GRIK4: variants seen among roughly 807,000 people sequenced by gnomAD.
GRIK4 encodes glutamate ionotropic receptor kainate type subunit 4, also known as glutamate receptor ionotropic, kainate 4.
Under a neutral mutation model 104.9 loss-of-function variants are expected in GRIK4, and 40 were observed. That is an observed-to-expected ratio of 0.38 (90% confidence interval 0.30 to 0.50). The LOEUF is 0.50. GRIK4 is among the 20% of genes least tolerant of loss of function. GRIK4 has a pLI of 0.93. For synonymous variants in GRIK4, 485 were observed against 524.9 expected, an observed-to-expected ratio of 0.92 and a Z score of 1.04; for missense variants, 1,047 against 1,308.1, an observed-to-expected ratio of 0.80 and a Z score of 3.08.
chr11:120,811,133 G>A (rs1395249455), intron 4 of GRIK4, among the ~76,000 whole-genome samples: 2 of 152,160 alleles, frequency 1.3e-5, no homozygotes, highest in Non-Finnish European at 2.9e-5. Context: ...GCATGCAGCG[G>A]GAGATGGCAC....
rs1407154705 is a variant in GRIK4, at chr11:120,555,753, C to T, written c.-159+43866C>T. Among the ~76,000 whole-genome samples, 2 of 152,190 alleles carry T rather than the reference C, an allele frequency of 1.3e-5. No homozygotes were observed. The highest frequency in any genetic ancestry group is 1.3e-4 in the Admixed American group (2 of 15,280). ...CGGGTGGCACAAAGTTTGCAAATTC[C>T]TTTTACTTCATCCTTGTCCTCAGAG... On this transcript the variant is annotated intron_variant, in intron 1 of 20. Transcript: ENST00000527524. This position sits in a 1 kb window ranked among gnomAD's most constrained non-coding sequence, Gnocchi z 5.3.
chr11:120,522,670 T>C (rs1947810069), intron 1 of GRIK4, among the ~76,000 whole-genome samples: 1 of 152,188 alleles, frequency 6.6e-6, no homozygotes, highest in Non-Finnish European at 1.5e-5. Flanking sequence ...TCCAGCCTTC[T>C]GAATGTGAAG....
chr11:120,656,023 AC>A, intron 2 of GRIK4, among the ~76,000 whole-genome samples: 1 of 151,850 alleles, frequency 6.6e-6, no homozygotes, highest in Middle Eastern at 3.2e-3. Flanking sequence ...CAGGGGAGAA[AC>A]CCCCCATGGA....
intron 3 of GRIK4, among the ~76,000 whole-genome samples, chr11:120,714,953 G>T (rs1950801268): frequency 6.6e-6 from 1 of 151,210 alleles, no homozygotes; most frequent in Admixed American, 6.5e-5. Context: ...ATTTTGGAGA[G>T]ACTCCTTTAG....
At chr11:120,827,100 C>T (rs1324189211) in intron 6 of GRIK4, among the ~76,000 whole-genome samples, 5 of 152,104 alleles carry the variant, frequency 3.3e-5, no homozygotes, top group South Asian at 2.1e-4. Context: ...GGTCCAGGAC[C>T]AAGGCACTAC....
chr11:120,945,471 T>C (rs1371135739), intron 14 of GRIK4, among the ~76,000 whole-genome samples: 1 of 152,158 alleles, frequency 6.6e-6, no homozygotes, highest in Non-Finnish European at 1.5e-5. Context: ...ATCCTAAACA[T>C]GCAGTATTTA....
chr11:120,546,108 T>C (rs1948083280), intron 1 of GRIK4, among the ~76,000 whole-genome samples: 1 of 152,152 alleles, frequency 6.6e-6, no homozygotes, highest in East Asian at 1.9e-4. Context: ...GGCCCTGAGG[T>C]ACAGCCGTTC....
rs1483136014 is a variant in GRIK4, at chr11:120,939,088, TTAGAG to T, written c.1477-1253_1477-1249del. 4.6e-5 allele frequency among the ~76,000 whole-genome samples: 7 copies of T among 152,142 alleles called. No individual in the cohort carries two copies. Among genetic ancestry groups the T allele is most frequent in the Non-Finnish European group, 8.8e-5 (6 of 68,024 alleles). On this transcript the variant is annotated intron_variant, in intron 13 of 20. Transcript: ENST00000527524. The surrounding 1 kb of genome is among the most constrained non-coding windows in gnomAD (Gnocchi z 5.6). ...CTAGTCCAGGTTGGTTAGTTGGTTGTTAGAGTAGAGGATGCATTAGAACTGAGCAC... is the reference window on the plus strand; with the variant it reads ...CTAGTCCAGGTTGGTTAGTTGGTTGTTAGAGGATGCATTAGAACTGAGCAC...
chr11:120,899,825 A>G (rs947185646), intron 12 of GRIK4, among the ~76,000 whole-genome samples: 1 of 152,164 alleles, frequency 6.6e-6, no homozygotes, highest in African/African-American at 2.4e-5. Context: ...TGGAACCTCA[A>G]TGATATCATT....
intron 2 of GRIK4, among the ~76,000 whole-genome samples, chr11:120,658,408 G>T (rs1163000802): frequency 2.0e-5 from 3 of 152,032 alleles, no homozygotes; most frequent in African/African-American, 7.3e-5. Flanking sequence ...CCTAGGAATA[G>T]AGTTAGTGGG....
chr11:120,844,510 G>A (rs182764041), intron 8 of GRIK4, among the ~76,000 whole-genome samples: 2 of 152,302 alleles, frequency 1.3e-5, no homozygotes, highest in East Asian at 3.9e-4. Flanking sequence ...TGAGTGAAGG[G>A]AGCATTCCAT....
In GRIK4 at chr11:120,712,136, A is replaced by G. The variant is rs7933959; in HGVS notation, c.82+51736A>G. Among the ~76,000 whole-genome samples, 381 of 152,330 alleles carry G rather than the reference A, an allele frequency of 2.5e-3. 1 individual carries two copies. The highest frequency in any genetic ancestry group is 8.8e-3 in the African/African-American group (366 of 41,570). The stretch of plus-strand genomic sequence containing the variant: ...GACTGTAAAGTAAGGTGAATACTCC[A>G]CTAGCACACATACAGGGTGCTAAGG... On this transcript the variant is annotated intron_variant, in intron 3 of 20. Transcript: ENST00000527524.
At chr11:120,881,956 C>T (rs1954980184) in intron 11 of GRIK4, among the ~76,000 whole-genome samples, 1 of 152,146 alleles carries the variant, frequency 6.6e-6, no homozygotes, top group Non-Finnish European at 1.5e-5. Context: ...GTGGGAGCCA[C>T]TCCTGTCCCC....
intron 13 of GRIK4, among the ~76,000 whole-genome samples, chr11:120,911,567 T>A (rs181665550): frequency 7.0e-6 from 1 of 142,532 alleles, no homozygotes; most frequent in East Asian, 2.4e-4. Context: ...ATAGGCTGGG[T>A]ACGGTGGCTC....
At chr11:120,782,109 T>C (rs976122702) in intron 3 of GRIK4, among the ~76,000 whole-genome samples, 14 of 152,082 alleles carry the variant, frequency 9.2e-5, no homozygotes, top group African/African-American at 2.9e-4. Flanking sequence ...TTATTTTCTT[T>C]CTCTTTGTAG....
At position 120,849,016 on chromosome 11, in the gene GRIK4, A is replaced by G. The variant is rs183202315; in HGVS notation, c.744+12172A>G. ...CTTCTTTGCTTCGGAGGAACCAATTATCAGACAACCCCTTTGCTGATGTTT... is the reference window on the plus strand; with the variant it reads ...CTTCTTTGCTTCGGAGGAACCAATTGTCAGACAACCCCTTTGCTGATGTTT... On this transcript the variant is annotated intron_variant, in intron 8 of 20. Transcript: ENST00000527524. Among the ~76,000 whole-genome samples, 200 of 152,342 alleles carry G rather than the reference A, an allele frequency of 1.3e-3. No individual in the cohort carries two copies. In the Middle Eastern group the frequency reaches 0.014, roughly 10 times the overall value.
intron 3 of GRIK4, among the ~76,000 whole-genome samples, chr11:120,786,897 C>T (rs190672778): frequency 1.3e-5 from 2 of 152,148 alleles, no homozygotes; most frequent in Non-Finnish European, 2.9e-5. Context: ...GTATTGAGCC[C>T]CTGGAACGTG....
intron 3 of GRIK4, among the ~76,000 whole-genome samples, chr11:120,789,595 T>C (rs546924108): frequency 1.2e-4 from 18 of 152,310 alleles, no homozygotes; most frequent in Admixed American, 5.2e-4. Context: ...GCAAATCTTA[T>C]GACGTCATCG....
intron 3 of GRIK4, among the ~76,000 whole-genome samples, chr11:120,679,266 A>G (rs569481836): frequency 1.3e-5 from 2 of 152,298 alleles, no homozygotes; most frequent in South Asian, 2.1e-4. Flanking sequence ...TGGAGAGACC[A>G]CATGTCCCTT....
Sources: gnomAD v4.1 joint callset for allele counts (sites outside exome capture counted in the v4.1 genomes callset) on GRCh38, gnomAD v4.1.1 for gene constraint, Gnocchi (gnomAD v3.1) non-coding constraint, MANE v1.5 for transcripts, NCBI Gene and HGNC (gene_info 2026-07-23, HGNC 2026-07-21) for gene names.